Variants in DENND2C observed in about 807,000 individuals in gnomAD.
The protein encoded by DENND2C is DENN domain containing 2C.
A neutral mutation model predicts 112.4 loss-of-function variants in DENND2C; 72 were observed. The ratio of observed to expected loss-of-function variants is 0.64; its 90% CI spans 0.53 to 0.78. The LOEUF is 0.78. Ranked by LOEUF, DENND2C falls within the 30% of genes least tolerant of loss-of-function variation. DENND2C has a pLI of 0.00. For missense variants in DENND2C, 992 were observed against 1,113.8 expected (o/e 0.89, Z 1.56); for synonymous variants, 329 against 381.6 (o/e 0.86, Z 1.61).
At chr1:114,591,182 C>T (rs901376176) in intron 18 of DENND2C, among the ~76,000 whole-genome samples, 3 of 152,034 alleles carry the variant, frequency 2.0e-5, no homozygotes, top group Non-Finnish European at 2.9e-5. Context: ...TACACAGGCT[C>T]GTCTTGAACT....
At chr1:114,637,650 AG>A (rs1656694365) in intron 3 of DENND2C, among the ~76,000 whole-genome samples, 1 of 151,742 alleles carries the variant, frequency 6.6e-6, no homozygotes, top group East Asian at 2.0e-4. Context: ...CCAAGACTGC[AG>A]GTGTATGCCA....
intron 1 of DENND2C, among the ~76,000 whole-genome samples, chr1:114,658,885 T>A (rs1657406078): frequency 2.0e-5 from 3 of 151,946 alleles, no homozygotes; most frequent in Non-Finnish European, 2.9e-5. Flanking sequence ...GTTTTTAAAA[T>A]TTTTTAAATG....
intron 8 of DENND2C, among the ~76,000 whole-genome samples, chr1:114,615,364 G>A (rs1262565770): frequency 6.6e-6 from 1 of 152,202 alleles, no homozygotes; most frequent in Non-Finnish European, 1.5e-5. Context: ...CAAGATTTAT[G>A]AGAAAGTTAA....
intron 3 of DENND2C, among the ~76,000 whole-genome samples, chr1:114,632,075 T>C (rs1374484826): frequency 1.3e-5 from 2 of 151,974 alleles, no homozygotes; most frequent in Non-Finnish European, 2.9e-5. Context: ...GTTGAATAAG[T>C]AGCAATAGAA....
intron 1 of DENND2C, among the ~76,000 whole-genome samples, chr1:114,669,550 A>C (rs1485227745): frequency 1.3e-5 from 2 of 152,138 alleles, no homozygotes; most frequent in African/African-American, 4.8e-5. Flanking sequence ...AAAAAGCAAA[A>C]TATTGTTTGG....
chr1:114,623,129 A>G (rs1191325366), intron 5 of DENND2C, 30 bp from the exon 6 acceptor site: 1 of 1,568,152 alleles, frequency 6.4e-7, no homozygotes, highest in Non-Finnish European at 8.7e-7. Context: ...AAATGTTTAC[A>G]TGAACATAAT....
rs184995139 is a variant in DENND2C at position 114,640,349 on chromosome 1, G to A, written c.-205+5099C>T. Among the ~76,000 whole-genome samples the A allele has an allele frequency of 1.0e-3, 152 of 152,298 alleles. 1 individual carries two copies. The highest frequency in any genetic ancestry group is 1.4e-3 in the African/African-American group (59 of 41,576). Reference sequence around the variant, plus strand: ...TGCATCCACTGCTAGTCACTAGCCCGAGAGAAATATATGATTTTTATTTTG... The same window carrying A: ...TGCATCCACTGCTAGTCACTAGCCCAAGAGAAATATATGATTTTTATTTTG... On this transcript the variant is annotated intron_variant, in intron 3 of 20. Coordinates refer to ENST00000393274, the MANE Select transcript of DENND2C (RefSeq NM_001256404.2).
intron 3 of DENND2C, among the ~76,000 whole-genome samples, chr1:114,630,771 G>A (rs575196657): frequency 7.2e-5 from 11 of 152,286 alleles, no homozygotes; most frequent in Admixed American, 2.0e-4. Flanking sequence ...TACTACATGA[G>A]GCTAGACAAC....
intron 1 of DENND2C, among the ~76,000 whole-genome samples, chr1:114,663,859 T>C (rs564387173): frequency 6.0e-4 from 91 of 152,312 alleles, no homozygotes; most frequent in Non-Finnish European, 1.1e-3. Flanking sequence ...ACAGAGACCG[T>C]ATGGCACACA....
At chr1:114,616,869 T>C (rs1265274749) in intron 8 of DENND2C, among the ~76,000 whole-genome samples, 3 of 151,732 alleles carry the variant, frequency 2.0e-5, no homozygotes, top group Non-Finnish European at 1.5e-5. Context: ...AAAAAAGACA[T>C]ACGTGAGACT....
rs191754622 is a variant in DENND2C, at chr1:114,668,055, A to C, written c.-574+1928T>G. Among the ~76,000 whole-genome samples, 463 of 152,330 alleles carry C rather than the reference A, an allele frequency of 3.0e-3. 3 individuals carry two copies. The highest frequency in any genetic ancestry group is 1.0e-2 in the African/African-American group (414 of 41,572). ...TACTTATTTTAGCCCACTTGGTAGA[A>C]TGGAATCTCCTAGATGACAGGAATT... On this transcript the variant is annotated intron_variant, in intron 1 of 20. Transcript: ENST00000393274.
intron 16 of DENND2C, among the ~76,000 whole-genome samples, chr1:114,597,789 G>A (rs1017696693): frequency 2.0e-5 from 3 of 151,978 alleles, no homozygotes; most frequent in Admixed American, 6.6e-5. Context: ...TCTCAAAAAC[G>A]AAACAAAACA....
intron 15 of DENND2C, 79 bp downstream of exon 15, chr1:114,600,124 AT>A: frequency 2.7e-6 from 4 of 1,484,646 alleles, no homozygotes; most frequent in South Asian, 2.7e-5. Context: ...TAATAGTAAA[AT>A]AAAAAAAAAT....
Position 114,599,385 on chromosome 1 carries a change from A to G in DENND2C, c.2172T>C (p.Tyr724=). ...TLYPFTWQHT[Y]IPVLPASMID... ...TCATAGATGCTGGCAGGACTGGGAT[A>G]TAGGTATGCTGCCAGGTGAACGGAT... is the stretch of plus-strand genomic sequence containing the variant. The change falls in exon 16 of 21, where the codon TAT becomes TAC. Residue 724 remains tyrosine (Y), a synonymous_variant. Transcript: ENST00000393274. 9 of 1,614,134 alleles carry G rather than the reference A, an allele frequency of 5.6e-6. No individual in the cohort carries two copies. The highest frequency in any genetic ancestry group is 7.6e-6 in the Non-Finnish European group (9 of 1,179,998).
At chr1:114,593,971 CCATTT>C (rs1384476257) in intron 18 of DENND2C, among the ~76,000 whole-genome samples, 1 of 152,030 alleles carries the variant, frequency 6.6e-6, no homozygotes, top group Non-Finnish European at 1.5e-5. Context: ...TATTATTTGC[CCATTT>C]ATTTAACAAG....
At position 114,626,037 on chromosome 1, in the gene DENND2C, A is replaced by G; in HGVS notation, c.-53T>C. 6.8e-7 allele frequency: 1 copy of G among 1,470,322 alleles called. No individual in the cohort carries two copies. The highest frequency in any genetic ancestry group is 2.3e-5 in the East Asian group (1 of 43,944). The allele number at this position is 1,470,322 out of a possible 1,614,324, so 91.1% of individuals were successfully genotyped here. A position where few individuals can be genotyped will look rare whatever the true frequency, so the allele number is the denominator to read the frequency against. On this transcript the variant is annotated 5_prime_UTR_variant, in exon 4 of 21. Transcript: ENST00000393274. ...TGAATCTTACAAAGGTTCCATTACA[A>G]GTAAATGTGAAATATTGTATTCTTT...
Position 114,602,400 on chromosome 1 carries a change from T to C in DENND2C, c.1668-206A>G, listed in dbSNP as rs78819263. Reference sequence around the variant, plus strand: ...AAGTGATCTAAGAGGAGGCATAATATTACATTCATTGCAAGTTACACTCCT... The same window carrying C: ...AAGTGATCTAAGAGGAGGCATAATACTACATTCATTGCAAGTTACACTCCT... On this transcript the variant is annotated intron_variant, in intron 11 of 20. Transcript: ENST00000393274. Among the ~76,000 whole-genome samples, 1,507 of 152,206 alleles carry C rather than the reference T, an allele frequency of 9.9e-3. 17 individuals carry two copies. The highest frequency in any genetic ancestry group is 0.051 in the Middle Eastern group (15 of 294).
intron 12 of DENND2C, among the ~76,000 whole-genome samples, chr1:114,601,904 T>C (rs954450324): frequency 1.3e-5 from 2 of 152,192 alleles, no homozygotes; most frequent in Admixed American, 1.3e-4. Flanking sequence ...AGTTACTTCC[T>C]CTATTATAAA....
intron 1 of DENND2C, among the ~76,000 whole-genome samples, chr1:114,662,512 C>T (rs571944540): frequency 3.9e-5 from 6 of 152,216 alleles, no homozygotes; most frequent in African/African-American, 1.4e-4. Context: ...ATGAAAACTA[C>T]GAAAGTTAGA....
Sources: gnomAD v4.1 joint callset for allele counts (sites outside exome capture counted in the v4.1 genomes callset) on GRCh38, gnomAD v4.1.1 for gene constraint, MANE v1.5 for transcripts, NCBI Gene and HGNC (gene_info 2026-07-23, HGNC 2026-07-21) for gene names.